The following BCL2L1 variants were observed in gnomAD, a reference collection of about 807,000 sequenced individuals.
The protein encoded by BCL2L1 is BCL2 like 1.
BCL2L1 carries 1 observed loss-of-function variant against 18.7 expected under a neutral mutation model. The ratio of observed to expected loss-of-function variants is 0.05; its 90% confidence interval spans 0.02 to 0.25. The LOEUF is 0.25. Ranked by LOEUF, BCL2L1 falls within the 10% of genes least tolerant of loss-of-function variation. The pLI is 1.00. For synonymous variants in BCL2L1, 103 were observed against 122.7 expected (o/e 0.84, Z 1.06); for missense variants, 207 against 304.9 (o/e 0.68, Z 2.39).
chr20:31,688,369 A>G (rs2060997437), intron 2 of BCL2L1, among the ~76,000 whole-genome samples: 1 of 149,342 alleles, frequency 6.7e-6, no homozygotes, highest in Admixed American at 6.7e-5. Context: ...GCTTAAACCC[A>G]GGAGGTGGAG....
intron 2 of BCL2L1, among the ~76,000 whole-genome samples, chr20:31,685,390 A>T (rs1477738460): frequency 1.6e-4 from 22 of 136,824 alleles, no homozygotes; most frequent in Admixed American, 1.6e-3. Context: ...ACAGAGCAAG[A>T]CTCCATCTCA....
intron 2 of BCL2L1, among the ~76,000 whole-genome samples, chr20:31,713,715 A>C (rs755070126): frequency 5.3e-5 from 8 of 152,364 alleles, no homozygotes; most frequent in Non-Finnish European, 8.8e-5. Context: ...ATGTGAGTGA[A>C]GAGCCCTAGG....
intron 2 of BCL2L1, among the ~76,000 whole-genome samples, chr20:31,695,064 TTC>T (rs767015226): frequency 6.6e-6 from 1 of 151,798 alleles, no homozygotes; most frequent in African/African-American, 2.4e-5. Flanking sequence ...CTGGACTCCT[TTC>T]TCTCTCACCT....
At chr20:31,692,691 A>C (rs558547731) in intron 2 of BCL2L1, among the ~76,000 whole-genome samples, 4 of 152,230 alleles carry the variant, frequency 2.6e-5, no homozygotes, top group African/African-American at 9.6e-5. Flanking sequence ...CTGGTGGATC[A>C]CGAGGTCAGG....
chr20:31,708,603 C>A (rs1449770644), intron 2 of BCL2L1, among the ~76,000 whole-genome samples: 1 of 152,122 alleles, frequency 6.6e-6, no homozygotes, highest in Non-Finnish European at 1.5e-5. Flanking sequence ...CACCTGCTCC[C>A]AAACTGACCC....
Position 31,721,720 on chromosome 20 carries a change from C to T in BCL2L1, c.499G>A (p.Ala167Thr), listed in dbSNP as rs372986095. Residue 167 changes from alanine to threonine, a missense_variant, in exon 2 of 3, where the codon GCA becomes ACA. By Grantham distance (58) the Ala-to-Thr change is moderately conservative. Transcript: ENST00000307677. ...TTCAGGTAAGTGGCCATCCAAGCTG[C>T]GATCCGACTCACCAATACCTGCATC... is the stretch of plus-strand genomic sequence containing the variant. ...KEMQVLVSRI[A>T]AWMATYLNDH... 34 of 1,613,948 alleles carry T rather than the reference C, an allele frequency of 2.1e-5. No individual in the cohort carries two copies. The African/African-American group carries it at 2.5e-4, about 12-fold the overall frequency.
At chr20:31,698,892 T>C (rs2061233187) in intron 2 of BCL2L1, among the ~76,000 whole-genome samples, 1 of 152,134 alleles carries the variant, frequency 6.6e-6, no homozygotes, top group Non-Finnish European at 1.5e-5. Context: ...ATATCTCCAA[T>C]AGTGTGGTGG....
At chr20:31,719,729 G>A (rs1478571692) in intron 2 of BCL2L1, among the ~76,000 whole-genome samples, 1 of 152,184 alleles carries the variant, frequency 6.6e-6, no homozygotes, top group Non-Finnish European at 1.5e-5. Context: ...CCACTGGGCA[G>A]CTGGCAATTC....
chr20:31,723,442 C>G (rs2061668510), upstream of BCL2L1: 1 of 985,380 alleles, frequency 1.0e-6, no homozygotes, highest in African/African-American at 1.7e-5. Flanking sequence ...CTGGCGCCCC[C>G]GGGAGGGCTC....
intron 2 of BCL2L1, among the ~76,000 whole-genome samples, chr20:31,701,094 G>T (rs1205023310): frequency 1.3e-5 from 2 of 151,918 alleles, no homozygotes; most frequent in Admixed American, 6.6e-5. Context: ...TTGCTCTGTC[G>T]CCAGGCCGGA....
At chr20:31,716,013 C>G (rs2061529983) in intron 2 of BCL2L1, among the ~76,000 whole-genome samples, 1 of 152,090 alleles carries the variant, frequency 6.6e-6, no homozygotes, top group Non-Finnish European at 1.5e-5. Flanking sequence ...TTCCCTCACC[C>G]TGCCATAACT....
Position 31,718,797 on chromosome 20 carries a change from C to T in BCL2L1, c.564+2858G>A, listed in dbSNP as rs150214462. Among the ~76,000 whole-genome samples, 7 of 152,338 alleles carry T rather than the reference C, an allele frequency of 4.6e-5. No homozygotes were observed. In the East Asian group the frequency reaches 1.3e-3, roughly 29 times the overall value. The stretch of plus-strand genomic sequence containing the variant: ...CACGCCTCTGGGAACCTGCTACTGC[C>T]AACTATCCTTCCCATAGCTACCTGA... On this transcript the variant is annotated intron_variant, in intron 2 of 2. Coordinates refer to ENST00000307677, the MANE Select transcript of BCL2L1 (RefSeq NM_138578.3).
At position 31,686,986 on chromosome 20, in the gene BCL2L1, A is replaced by G. The variant is rs544447087; in HGVS notation, c.565-20900T>C. ...TTTTCTAATCTGGACAATGAGGACA[A>G]TAACATGTTTCCCAAGAAGGATTAT... On this transcript the variant is annotated intron_variant, in intron 2 of 2. Coordinates refer to ENST00000307677, the MANE Select transcript of BCL2L1 (RefSeq NM_138578.3). Among the ~76,000 whole-genome samples, 5 of 152,312 alleles carry G rather than the reference A, an allele frequency of 3.3e-5. No homozygotes were observed. In the South Asian group the frequency reaches 8.3e-4, roughly 25 times the overall value.
At chr20:31,699,047 C>G (rs1207816009) in intron 2 of BCL2L1, among the ~76,000 whole-genome samples, 1 of 152,186 alleles carries the variant, frequency 6.6e-6, no homozygotes, top group Non-Finnish European at 1.5e-5. Flanking sequence ...CAAAGGAGAT[C>G]AGAAGGGTCA....
chr20:31,686,678 T>G (rs1307113155), intron 2 of BCL2L1, among the ~76,000 whole-genome samples: 2 of 152,118 alleles, frequency 1.3e-5, no homozygotes, highest in Non-Finnish European at 2.9e-5. Context: ...CCACCCAGCA[T>G]GATACCCACA....
intron 2 of BCL2L1, among the ~76,000 whole-genome samples, chr20:31,668,555 C>T (rs1474737001): frequency 6.6e-6 from 1 of 151,310 alleles, no homozygotes; most frequent in African/African-American, 2.4e-5. Context: ...GATCCGCCCA[C>T]GGCCTCCCAA....
chr20:31,686,471 C>A (rs917578157), intron 2 of BCL2L1: 15 of 152,224 alleles, frequency 9.9e-5, no homozygotes, highest in Admixed American at 9.8e-4. Flanking sequence ...ACTAGACAAA[C>A]TTTAGTTAAT....
At chr20:31,692,892 C>G (rs1330075533) in intron 2 of BCL2L1, among the ~76,000 whole-genome samples, 2 of 150,618 alleles carry the variant, frequency 1.3e-5, no homozygotes, top group African/African-American at 2.4e-5. Flanking sequence ...GCCTGGGCGA[C>G]AGAGTGAGAC....
At chr20:31,687,751 G>C (rs970691661) in intron 2 of BCL2L1, among the ~76,000 whole-genome samples, 2 of 151,418 alleles carry the variant, frequency 1.3e-5, no homozygotes, top group Non-Finnish European at 2.9e-5. Context: ...GTGTAGACCA[G>C]AGACCTCTGA....
Sources: gnomAD v4.1 joint callset for allele counts (sites outside exome capture counted in the v4.1 genomes callset) on GRCh38, gnomAD v4.1.1 for gene constraint, MANE v1.5 for transcripts, NCBI Gene and HGNC (gene_info 2026-07-23, HGNC 2026-07-21) for gene names.